The following THRB variants were observed in gnomAD, a reference collection of about 807,000 sequenced individuals.
THRB encodes the protein nuclear receptor subfamily 1 group A member 2.
THRB carries 12 observed loss-of-function variants against 47.8 expected under a neutral mutation model. That is an observed-to-expected ratio of 0.25 (90% confidence interval 0.16 to 0.41). The LOEUF (loss-of-function observed/expected upper bound fraction) is 0.41, where lower values mean the gene tolerates loss of function less well. THRB is among the 10% of genes least tolerant of loss of function. THRB has a pLI of 1.00. For synonymous variants in THRB, 218 were observed against 212.2 expected (o/e 1.03, Z -0.24); for missense variants, 348 against 589.2 (o/e 0.59, Z 4.24).
intron 1 of THRB, among the ~76,000 whole-genome samples, chr3:24,384,482 G>C (rs1253650444): frequency 6.6e-6 from 1 of 152,130 alleles, no homozygotes; most frequent in East Asian, 1.9e-4. Context: ...CTTGGGGGTG[G>C]AGCAATGGTG....
At chr3:24,295,691 C>G (rs189327480) in intron 3 of THRB, among the ~76,000 whole-genome samples, 2 of 152,114 alleles carry the variant, frequency 1.3e-5, no homozygotes, top group African/African-American at 4.8e-5. Context: ...AGGAAAACCC[C>G]GTATCACAGA....
chr3:24,437,202 A>G (rs1468489301), intron 1 of THRB, among the ~76,000 whole-genome samples: 2 of 150,754 alleles, frequency 1.3e-5, no homozygotes, highest in Non-Finnish European at 3.0e-5. Context: ...AATATTATTC[A>G]GCCAAAAACA....
intron 8 of THRB, among the ~76,000 whole-genome samples, chr3:24,137,343 A>G (rs919803929): frequency 6.6e-6 from 1 of 152,240 alleles, no homozygotes; most frequent in Non-Finnish European, 1.5e-5. Context: ...TGAACAGTGT[A>G]TCCTCAAGGA....
intron 2 of THRB, among the ~76,000 whole-genome samples, chr3:24,326,848 T>G (rs2061633160): frequency 7.3e-6 from 1 of 137,262 alleles, no homozygotes; most frequent in African/African-American, 2.7e-5. Context: ...CACTTCAACC[T>G]CTACCTCCTG....
intron 4 of THRB, among the ~76,000 whole-genome samples, chr3:24,199,482 TG>T (rs2044348647): frequency 6.6e-6 from 1 of 152,182 alleles, no homozygotes; most frequent in African/African-American, 2.4e-5. Flanking sequence ...ATTTCATTGG[TG>T]GGGATTATCA....
intron 3 of THRB, among the ~76,000 whole-genome samples, chr3:24,264,057 T>G (rs567971124): frequency 6.6e-6 from 1 of 152,316 alleles, no homozygotes; most frequent in South Asian, 2.1e-4. Flanking sequence ...ATTTAATCCC[T>G]GGGCACCAAA....
At chr3:24,165,277 A>T in intron 5 of THRB, 1 of 765,126 alleles carries the variant, frequency 1.3e-6, no homozygotes, top group Non-Finnish European at 2.4e-6. Flanking sequence ...AATACGCGTA[A>T]TAATCAGTGG....
At chr3:24,445,606 A>T (rs553573207) in intron 1 of THRB, among the ~76,000 whole-genome samples, 11 of 152,204 alleles carry the variant, frequency 7.2e-5, no homozygotes, top group East Asian at 1.9e-4. Context: ...AATTTTTAAA[A>T]TTTTTTTTAA....
intron 1 of THRB, among the ~76,000 whole-genome samples, chr3:24,364,651 C>G (rs1191038244): frequency 1.3e-5 from 2 of 152,042 alleles, no homozygotes; most frequent in African/African-American, 4.8e-5. Flanking sequence ...CATCCATGTA[C>G]AAACAAGACA....
intron 1 of THRB, among the ~76,000 whole-genome samples, chr3:24,481,621 G>A (rs1696433725): frequency 6.6e-6 from 1 of 152,132 alleles, no homozygotes; most frequent in African/African-American, 2.4e-5. Flanking sequence ...GACTAGACAT[G>A]TAATACTACC....
At chr3:24,137,689 G>A (rs573479239) in intron 8 of THRB, among the ~76,000 whole-genome samples, 39 of 152,270 alleles carry the variant, frequency 2.6e-4, no homozygotes, top group Non-Finnish European at 4.9e-4. Context: ...AGGCATTGTA[G>A]ACCATAGAAA....
chr3:24,233,392 G>A (rs1398141756), intron 3 of THRB, among the ~76,000 whole-genome samples: 1 of 151,764 alleles, frequency 6.6e-6, no homozygotes, highest in East Asian at 1.9e-4. Flanking sequence ...GGAGGCCAAG[G>A]TGGGAAGACT....
intron 1 of THRB, among the ~76,000 whole-genome samples, chr3:24,390,299 C>T (rs149844535): frequency 1.3e-5 from 2 of 152,300 alleles, no homozygotes; most frequent in East Asian, 3.9e-4. Context: ...TAGGTATATT[C>T]ACCGGAGCAT....
chr3:24,175,193 A>C (rs2040981161), intron 5 of THRB, among the ~76,000 whole-genome samples: 1 of 152,220 alleles, frequency 6.6e-6, no homozygotes, highest in Admixed American at 6.5e-5. Flanking sequence ...TTTCAGCCTA[A>C]ATTCAAGATT....
intron 3 of THRB, among the ~76,000 whole-genome samples, chr3:24,253,749 G>T (rs7627249): frequency 0.77 from 117,662 of 152,064 alleles, 46,523 homozygotes; most frequent in African/African-American, 0.93. Context: ...AACCACTACG[G>T]TGGCCAAATA....
At chr3:24,464,883 C>A (rs1341191723) in intron 1 of THRB, among the ~76,000 whole-genome samples, 3 of 151,978 alleles carry the variant, frequency 2.0e-5, no homozygotes, top group Non-Finnish European at 4.4e-5. Context: ...CTTACAGTTC[C>A]CTCTTGCTCC....
chr3:24,296,694 A>G (rs2056474141), intron 3 of THRB, among the ~76,000 whole-genome samples: 1 of 152,212 alleles, frequency 6.6e-6, no homozygotes, highest in Admixed American at 6.5e-5. Flanking sequence ...GGGAGAGCAT[A>G]AAGGAGGTAT....
chr3:24,280,905 T>C (rs2054514587), intron 3 of THRB, among the ~76,000 whole-genome samples: 2 of 151,980 alleles, frequency 1.3e-5, no homozygotes, highest in African/African-American at 4.8e-5. Context: ...TAAAAAGAAA[T>C]GAACAAAGCC....
At chr3:24,216,329 T>C (rs567382857) in intron 4 of THRB, among the ~76,000 whole-genome samples, 2 of 152,324 alleles carry the variant, frequency 1.3e-5, no homozygotes, top group South Asian at 4.2e-4. Context: ...TATGAATTGC[T>C]GGCTGGGCGC....
Sources: allele counts gnomAD v4.1 joint callset (sites outside exome capture counted in the v4.1 genomes callset), GRCh38; gene constraint gnomAD v4.1.1; transcripts MANE v1.5; gene names NCBI Gene and HGNC (gene_info 2026-07-23, HGNC 2026-07-21).